The following CDCP1 variants were observed in gnomAD, a reference collection of about 807,000 sequenced individuals.
CDCP1 encodes the protein CUB domain-containing protein 1.
Under a neutral mutation model 60.2 loss-of-function variants are expected in CDCP1, and 29 were observed. That is an observed-to-expected ratio of 0.48 (90% CI 0.36 to 0.66). The LOEUF (loss-of-function observed/expected upper bound fraction) is 0.66, where lower values mean the gene tolerates loss of function less well. CDCP1 is among the 30% of genes least tolerant of loss of function. The probability of loss-of-function intolerance (pLI) is 0.00; values close to 1 mark genes in which losing one functional copy is unlikely to be tolerated. For missense variants in CDCP1, 876 were observed against 1,074.3 expected, an observed-to-expected ratio of 0.82 and a Z score of 2.58; for synonymous variants, 387 against 431.1, an observed-to-expected ratio of 0.90 and a Z score of 1.27.
At chr3:45,120,910 C>T (rs891460763) in intron 1 of CDCP1, among the ~76,000 whole-genome samples, 6 of 9,966 alleles carry the variant, frequency 6.0e-4, no homozygotes, top group African/African-American at 7.5e-4. Context: ...AAGTGCTCCC[C>T]TCCCCCCACC....
At chr3:45,095,136 G>A (rs927107902) in intron 5 of CDCP1, among the ~76,000 whole-genome samples, 1 of 152,010 alleles carries the variant, frequency 6.6e-6, no homozygotes, top group African/African-American at 2.4e-5. Context: ...GTTTTACCAC[G>A]TTGGCCAGGC....
intron 2 of CDCP1, among the ~76,000 whole-genome samples, chr3:45,115,581 T>G (rs1698774510): frequency 1.3e-5 from 2 of 152,362 alleles, no homozygotes; most frequent in South Asian, 4.1e-4. Context: ...CACTGCGTTC[T>G]TAAATATATC....
chr3:45,115,081 A>G (rs757612383), intron 2 of CDCP1, among the ~76,000 whole-genome samples: 1 of 152,090 alleles, frequency 6.6e-6, no homozygotes, highest in African/African-American at 2.4e-5. Flanking sequence ...TTAAAAACAA[A>G]CAAAAAGACA....
chr3:45,142,404 T>C lies in CDCP1; in HGVS notation c.82+3802A>G, dbSNP rs1216159757. ...TTGGCAAAAAAGCACTGGTGAGCTA[T>C]TAGTACCATCCAGCTGGGGTGGTGC... On this transcript the variant is annotated intron_variant, in intron 1 of 8. Transcript: ENST00000296129. 3.3e-5 allele frequency among the ~76,000 whole-genome samples: 5 copies of C among 152,218 alleles called. No individual in the cohort carries two copies. In the East Asian group the frequency reaches 9.6e-4, roughly 29 times the overall value.
Position 45,091,601 on chromosome 3 carries a change from A to C in CDCP1, c.1628-63T>G, listed in dbSNP as rs532010739. 84 of 1,507,886 alleles carry C rather than the reference A, an allele frequency of 5.6e-5. No individual in the cohort carries two copies. The highest frequency in any genetic ancestry group is 7.0e-5 in the Non-Finnish European group (79 of 1,129,814). 93.4% of individuals were successfully genotyped at this position (1,507,886 alleles called of 1,614,324 possible). On this transcript the variant is annotated intron_variant, in intron 6 of 8. Coordinates refer to ENST00000296129, the MANE Select transcript of CDCP1 (RefSeq NM_022842.5). This position sits in a 1 kb window ranked among gnomAD's most constrained non-coding sequence, Gnocchi z 4.8. Reference sequence around the variant, plus strand: ...TTCAGTCAACATGGAGAGGAAAGGGAGTGGTGGAGGAGACGAAGTCCAACT... The same window carrying C: ...TTCAGTCAACATGGAGAGGAAAGGGCGTGGTGGAGGAGACGAAGTCCAACT...
intron 1 of CDCP1, among the ~76,000 whole-genome samples, chr3:45,139,889 C>A (rs771139763): frequency 6.6e-6 from 1 of 152,184 alleles, no homozygotes; most frequent in Non-Finnish European, 1.5e-5. Context: ...TGCCGTGAGT[C>A]CTTCAAACTC....
rs1035197731 is a variant in CDCP1 at position 45,142,225 on chromosome 3, C to G, written c.82+3981G>C. Among the ~76,000 whole-genome samples the G allele has an allele frequency of 8.5e-5, 13 of 152,288 alleles. 1 individual carries two copies. The highest frequency in any genetic ancestry group is 8.5e-4 in the Admixed American group (13 of 15,304). On this transcript the variant is annotated intron_variant, in intron 1 of 8. Coordinates refer to ENST00000296129, the MANE Select transcript of CDCP1 (RefSeq NM_022842.5). ...TATCATCTCCCACTGTCCCACCCACCCTGACCTCAATCAGGGGTCTTTCTG... is the reference window on the plus strand; with the variant it reads ...TATCATCTCCCACTGTCCCACCCACGCTGACCTCAATCAGGGGTCTTTCTG...
chr3:45,107,053 A>G (rs1698578676), intron 4 of CDCP1, among the ~76,000 whole-genome samples: 1 of 152,102 alleles, frequency 6.6e-6, no homozygotes, highest in African/African-American at 2.4e-5. Context: ...GTCTCCCCTT[A>G]GTATTCCTAC....
In CDCP1 at chr3:45,083,006, G is replaced by A. The variant is rs79950616; in HGVS notation, c.*2632C>T. ...CCCTCAGTTGAAGGAAAATGGCCAC[G>A]TGGTGTCCTTGCAGGCAACAGTGAT... On this transcript the variant is annotated 3_prime_UTR_variant, in exon 9 of 9. Coordinates refer to ENST00000296129, the MANE Select transcript of CDCP1 (RefSeq NM_022842.5). 4,269 of 152,316 alleles carry A rather than the reference G, an allele frequency of 0.028. 63 individuals are homozygous for A. The highest frequency in any genetic ancestry group is 0.035 in the Non-Finnish European group (2,395 of 68,060). 9.4% of individuals were successfully genotyped at this position (152,316 alleles called of 1,614,324 possible). A position where few individuals can be genotyped will look rare whatever the true frequency, so the allele number is the denominator to read the frequency against.
intron 1 of CDCP1, among the ~76,000 whole-genome samples, chr3:45,141,018 T>A (rs1333631090): frequency 6.6e-6 from 1 of 152,122 alleles, no homozygotes; most frequent in African/African-American, 2.4e-5. Flanking sequence ...CTGGCCAACA[T>A]GGTGAAACCC....
rs139269523 is a variant in CDCP1 at position 45,087,285 on chromosome 3, C to T, written c.2082-1218G>A. 1.6e-3 allele frequency among the ~76,000 whole-genome samples: 241 copies of T among 152,300 alleles called. 1 individual carries two copies. The highest frequency in any genetic ancestry group is 5.0e-3 in the African/African-American group (207 of 41,566). On this transcript the variant is annotated intron_variant, in intron 8 of 8. Coordinates refer to ENST00000296129, the MANE Select transcript of CDCP1 (RefSeq NM_022842.5). ...CTCACTGCACAACCTGTCCATCCTCCTACAACAGCTTGGGCACGGACAGGC... is the reference window on the plus strand; with the variant it reads ...CTCACTGCACAACCTGTCCATCCTCTTACAACAGCTTGGGCACGGACAGGC...
At chr3:45,131,820 T>C (rs1699099502) in intron 1 of CDCP1, among the ~76,000 whole-genome samples, 1 of 152,232 alleles carries the variant, frequency 6.6e-6, no homozygotes, top group Non-Finnish European at 1.5e-5. Flanking sequence ...ATGCAGCCCA[T>C]TGACCACTAC....
chr3:45,145,707 G>A (rs945125359), intron 1 of CDCP1, among the ~76,000 whole-genome samples: 1 of 152,190 alleles, frequency 6.6e-6, no homozygotes, highest in Admixed American at 6.5e-5. Flanking sequence ...GGGAAATGCG[G>A]ACGTGAAAGC....
At chr3:45,134,430 T>G (rs1699159930) in intron 1 of CDCP1, among the ~76,000 whole-genome samples, 1 of 152,206 alleles carries the variant, frequency 6.6e-6, no homozygotes, top group South Asian at 2.1e-4. Context: ...GGCCCAGATC[T>G]ACTTCTTTCT....
intron 4 of CDCP1, among the ~76,000 whole-genome samples, chr3:45,102,309 G>A (rs1698495152): frequency 6.6e-6 from 1 of 152,070 alleles, no homozygotes; most frequent in Admixed American, 6.5e-5. Context: ...GACATCAGGT[G>A]ATCCACTGCC....
intron 4 of CDCP1, among the ~76,000 whole-genome samples, chr3:45,096,642 A>AAAAAAAAAAAAAC: frequency 6.6e-6 from 1 of 151,392 alleles, no homozygotes; most frequent in Admixed American, 6.6e-5. Context: ...AAAAAAAAAA[A>AAAAAAAAAAAAAC]AAAAAGAGGG....
At chr3:45,098,654 T>C (rs1698442105) in intron 4 of CDCP1, among the ~76,000 whole-genome samples, 1 of 151,210 alleles carries the variant, frequency 6.6e-6, no homozygotes, top group African/African-American at 2.4e-5. Flanking sequence ...CACACACACT[T>C]CCCATTCCCA....
intron 7 of CDCP1, among the ~76,000 whole-genome samples, chr3:45,090,357 C>T (rs1458921181): frequency 2.0e-5 from 3 of 152,194 alleles, no homozygotes; most frequent in Non-Finnish European, 4.4e-5. Context: ...TAGTGGTGCC[C>T]ATGACTTTGA....
chr3:45,146,053 C>T (rs1373470889), intron 1 of CDCP1, among the ~76,000 whole-genome samples, 153 bp downstream of exon 1: 1 of 151,772 alleles, frequency 6.6e-6, no homozygotes, highest in Admixed American at 6.5e-5. Flanking sequence ...GGTCCCGGAG[C>T]CACCCGCGCA....
Sources: gnomAD v4.1 joint callset for allele counts (sites outside exome capture counted in the v4.1 genomes callset) on GRCh38, gnomAD v4.1.1 for gene constraint, Gnocchi (gnomAD v3.1) non-coding constraint, MANE v1.5 for transcripts, NCBI Gene and HGNC (gene_info 2026-07-23, HGNC 2026-07-21) for gene names.